ATP8A2: variants seen among roughly 807,000 people sequenced by gnomAD.
ATP8A2 encodes ATPase phospholipid transporting 8A2.
ATP8A2 carries 100 observed loss-of-function variants against 165.6 expected under a neutral mutation model. The observed-to-expected ratio is 0.60, with a 90% CI of 0.51 to 0.71. ATP8A2 has a LOEUF of 0.71. Among genes scored for constraint, ATP8A2 ranks in the 30% least tolerant of loss-of-function variants. The pLI is 0.00. For synonymous variants in ATP8A2, 543 were observed against 548.8 expected (o/e 0.99, Z 0.15); for missense variants, 1,227 against 1,479.5 (o/e 0.83, Z 2.80).
At chr13:25,874,172 C>T (rs1032544670) in intron 33 of ATP8A2, among the ~76,000 whole-genome samples, 1 of 152,140 alleles carries the variant, frequency 6.6e-6, no homozygotes, top group African/African-American at 2.4e-5. Context: ...TTTACCTGGC[C>T]CCTGAGGCCC....
intron 1 of ATP8A2, among the ~76,000 whole-genome samples, chr13:25,455,070 G>T (rs866550197): frequency 6.6e-6 from 1 of 152,238 alleles, no homozygotes; most frequent in African/African-American, 2.4e-5. Context: ...TCTGTAGTTT[G>T]CATGGAGTTC....
At chr13:25,581,341 A>AC (rs2138241289) in intron 22 of ATP8A2, among the ~76,000 whole-genome samples, 1 of 152,244 alleles carries the variant, frequency 6.6e-6, no homozygotes, top group East Asian at 1.9e-4. Context: ...TTTTATAGCT[A>AC]CCCTCAATCT....
intron 33 of ATP8A2, among the ~76,000 whole-genome samples, chr13:25,959,825 A>G (rs1210798231): frequency 1.3e-5 from 2 of 152,232 alleles, no homozygotes; most frequent in African/African-American, 4.8e-5. Context: ...CACTCTTGTG[A>G]ATATCATTGT....
At chr13:25,560,519 G>C (rs977356695) in intron 15 of ATP8A2, among the ~76,000 whole-genome samples, 1 of 151,698 alleles carries the variant, frequency 6.6e-6, no homozygotes, top group Non-Finnish European at 1.5e-5. Flanking sequence ...GGCCAACATG[G>C]TGAAACCCTG....
intron 3 of ATP8A2, 58 bp from the exon 4 acceptor site, chr13:25,530,504 G>C: frequency 9.9e-7 from 1 of 1,008,624 alleles, no homozygotes; most frequent in Non-Finnish European, 1.5e-6. Flanking sequence ...GTAATTTTCT[G>C]TTCATGGAGA....
intron 16 of ATP8A2, among the ~76,000 whole-genome samples, chr13:25,566,963 G>A (rs1369868795): frequency 6.6e-6 from 1 of 152,176 alleles, no homozygotes; most frequent in East Asian, 1.9e-4. Flanking sequence ...TCTCTTTGGT[G>A]ACTGTCATGG....
chr13:25,690,053 G>T (rs939148112), intron 24 of ATP8A2, among the ~76,000 whole-genome samples: 1 of 151,796 alleles, frequency 6.6e-6, no homozygotes, highest in African/African-American at 2.4e-5. Flanking sequence ...ATCTAGTTTG[G>T]GGGAAAAATA....
At chr13:25,505,204 G>T (rs868144105) in intron 2 of ATP8A2, among the ~76,000 whole-genome samples, 1 of 139,898 alleles carries the variant, frequency 7.1e-6, no homozygotes, top group Non-Finnish European at 1.5e-5. Flanking sequence ...CGGCGGGGCG[G>T]GGGGGGGTGG....
At chr13:25,898,672 A>C (rs1038898975) in intron 33 of ATP8A2, among the ~76,000 whole-genome samples, 1 of 152,126 alleles carries the variant, frequency 6.6e-6, no homozygotes, top group Non-Finnish European at 1.5e-5. Context: ...GGTGGGCTCC[A>C]CCCAGTTCCA....
chr13:25,689,799 T>G (rs2042683775), intron 24 of ATP8A2, among the ~76,000 whole-genome samples: 1 of 152,070 alleles, frequency 6.6e-6, no homozygotes, highest in East Asian at 1.9e-4. Flanking sequence ...CATAGCTGAG[T>G]GGTGGCTTGC....
At chr13:25,771,417 A>G (rs2044616978) in intron 26 of ATP8A2, among the ~76,000 whole-genome samples, 1 of 152,232 alleles carries the variant, frequency 6.6e-6, no homozygotes, top group South Asian at 2.1e-4. Context: ...CTTGAGTTAT[A>G]ACATCATATG....
At chr13:26,010,230 G>C (rs1299892740) in intron 35 of ATP8A2, among the ~76,000 whole-genome samples, 1 of 152,166 alleles carries the variant, frequency 6.6e-6, no homozygotes, top group African/African-American at 2.4e-5. Flanking sequence ...TTTCTCACCT[G>C]CCTGGTGAGA....
chr13:25,469,549 A>G lies in ATP8A2; in HGVS notation c.221+428A>G, dbSNP rs73475507. Among the ~76,000 whole-genome samples, 1,335 of 152,214 alleles carry G rather than the reference A, an allele frequency of 8.8e-3. 23 individuals carry two copies. The highest frequency in any genetic ancestry group is 0.031 in the African/African-American group (1,269 of 41,532). ...AAGGGAATCCCACAAGTCACAAGGAATCACATTCAGTTCTCAGTGGTCCAC... is the reference window on the plus strand; with the variant it reads ...AAGGGAATCCCACAAGTCACAAGGAGTCACATTCAGTTCTCAGTGGTCCAC... On this transcript the variant is annotated intron_variant, in intron 2 of 36. Coordinates refer to ENST00000381655, the MANE Select transcript of ATP8A2 (RefSeq NM_016529.6).
At chr13:25,630,539 G>A (rs143143262) in intron 24 of ATP8A2, among the ~76,000 whole-genome samples, 365 of 152,238 alleles carry the variant, frequency 2.4e-3, no homozygotes, top group Non-Finnish European at 4.2e-3. Context: ...TTGGCTTGAG[G>A]CTAACAATAT....
At chr13:25,727,682 T>C (rs2043525076) in intron 25 of ATP8A2, among the ~76,000 whole-genome samples, 1 of 152,214 alleles carries the variant, frequency 6.6e-6, no homozygotes, top group Admixed American at 6.5e-5. Context: ...TATATAATAT[T>C]TCACATTAAA....
chr13:25,451,244 G>A lies in ATP8A2; in HGVS notation c.77-17733G>A, dbSNP rs539940712. 2.0e-5 allele frequency among the ~76,000 whole-genome samples: 3 copies of A among 152,146 alleles called. No individual in the cohort carries two copies. The East Asian group carries it at 5.8e-4, about 29-fold the overall frequency. On this transcript the variant is annotated intron_variant, in intron 1 of 36. Transcript: ENST00000381655. Reference sequence around the variant, plus strand: ...TCTGCTATTAATCCCACATAGTGTCGTTTTCATTTCAGGTGTTCTAGTTTC... The same window carrying A: ...TCTGCTATTAATCCCACATAGTGTCATTTTCATTTCAGGTGTTCTAGTTTC...
chr13:25,537,293 A>T (rs1291815824), intron 6 of ATP8A2, among the ~76,000 whole-genome samples: 1 of 152,064 alleles, frequency 6.6e-6, no homozygotes, highest in Non-Finnish European at 1.5e-5. Flanking sequence ...TCATGGGTGA[A>T]TTTACTGTTG....
intron 1 of ATP8A2, among the ~76,000 whole-genome samples, chr13:25,422,861 G>A (rs1489521801): frequency 6.6e-6 from 1 of 152,214 alleles, no homozygotes; most frequent in Non-Finnish European, 1.5e-5. Flanking sequence ...TGTTGCTGGG[G>A]CAAATGTCCT....
rs115338779 is a variant in ATP8A2, at chr13:25,431,624, C to T, written c.77-37353C>T. 8.5e-3 allele frequency among the ~76,000 whole-genome samples: 1,295 copies of T among 152,214 alleles called. 21 individuals are homozygous for T. Among genetic ancestry groups the T allele is most frequent in the African/African-American group, 0.029 (1,199 of 41,530 alleles). On this transcript the variant is annotated intron_variant, in intron 1 of 36. Coordinates refer to ENST00000381655, the MANE Select transcript of ATP8A2 (RefSeq NM_016529.6). ...GCTTGATTTCTTCTAACTAAGCAAC[C>T]TTATTTTTTAATGTGAAAAAATTAA...
Sources: gnomAD v4.1 joint callset for allele counts (sites outside exome capture counted in the v4.1 genomes callset) on GRCh38, gnomAD v4.1.1 for gene constraint, MANE v1.5 for transcripts, NCBI Gene and HGNC (gene_info 2026-07-23, HGNC 2026-07-21) for gene names.